WDR72: variants seen among roughly 807,000 people sequenced by gnomAD.
WDR72 encodes the protein WD repeat domain 72, also known as WD repeat-containing protein 72.
Under a neutral mutation model 124.2 loss-of-function variants are expected in WDR72, and 120 were observed. That is an observed-to-expected ratio of 0.97 (90% confidence interval 0.83 to 1.12). The LOEUF is 1.12. Among genes scored for constraint, WDR72 ranks in the 50% most tolerant of loss-of-function variants. The probability of loss-of-function intolerance (pLI) is 0.00; values close to 1 mark genes in which losing one functional copy is unlikely to be tolerated. For synonymous variants in WDR72, 452 were observed against 441.7 expected (o/e 1.02, Z -0.29); for missense variants, 1,387 against 1,278.8 (o/e 1.08, Z -1.29).
At chr15:53,625,079 T>A (rs556480385) in intron 14 of WDR72, among the ~76,000 whole-genome samples, 1 of 152,352 alleles carries the variant, frequency 6.6e-6, no homozygotes, top group Admixed American at 6.5e-5. Flanking sequence ...AATACAAATA[T>A]AATTATGTTA....
At chr15:53,637,762 A>C (rs1368836498) in intron 14 of WDR72, among the ~76,000 whole-genome samples, 1 of 152,026 alleles carries the variant, frequency 6.6e-6, no homozygotes, top group Non-Finnish European at 1.5e-5. Flanking sequence ...CCCCAGCCCC[A>C]TATTCTCTCT....
chr15:53,613,884 A>T, intron 15 of WDR72, 127 bp from the exon 16 acceptor site: 1 of 632,182 alleles, frequency 1.6e-6, no homozygotes, highest in Non-Finnish European at 2.8e-6. Context: ...TATTTTTAGC[A>T]ATATCTTTCA....
chr15:53,664,813 C>A (rs576105489), intron 14 of WDR72, among the ~76,000 whole-genome samples: 14 of 151,952 alleles, frequency 9.2e-5, no homozygotes, highest in African/African-American at 3.1e-4. Context: ...GATAGACACA[C>A]CACATAGAGC....
intron 10 of WDR72, 115 bp from the exon 11 acceptor site, chr15:53,705,348 A>G (rs2017320622): frequency 6.5e-6 from 6 of 923,208 alleles, no homozygotes; most frequent in Non-Finnish European, 1.0e-5. Flanking sequence ...AGCCTATCCC[A>G]GATTCATATT....
chr15:53,648,098 C>T (rs1052192202), intron 14 of WDR72, among the ~76,000 whole-genome samples: 3 of 152,076 alleles, frequency 2.0e-5, no homozygotes, highest in Admixed American at 6.6e-5. Flanking sequence ...TGAATAGACA[C>T]GTCATGATCC....
chr15:53,681,181 A>T (rs1015307277), intron 13 of WDR72, among the ~76,000 whole-genome samples: 5 of 152,202 alleles, frequency 3.3e-5, no homozygotes, highest in Non-Finnish European at 5.9e-5. Context: ...CTACTTTCCC[A>T]GAGAATAACA....
chr15:53,530,220 T>A (rs994719842), intron 18 of WDR72, among the ~76,000 whole-genome samples: 2 of 151,368 alleles, frequency 1.3e-5, no homozygotes, highest in African/African-American at 4.8e-5. Context: ...TTTGTATATT[T>A]ATCTACAATT....
chr15:53,601,158 C>A (rs972027067), intron 17 of WDR72, among the ~76,000 whole-genome samples: 10 of 152,066 alleles, frequency 6.6e-5, no homozygotes, highest in Non-Finnish European at 1.0e-4. Context: ...AACAGTGGGC[C>A]TCTTAGTGGA....
chr15:53,720,213 A>C (rs2017837863), intron 3 of WDR72, among the ~76,000 whole-genome samples: 1 of 152,172 alleles, frequency 6.6e-6, no homozygotes, highest in Non-Finnish European at 1.5e-5. Flanking sequence ...CTACTAAACA[A>C]TACTTGAAAC....
chr15:53,635,090 G>A (rs1595809388), intron 14 of WDR72, among the ~76,000 whole-genome samples: 1 of 152,164 alleles, frequency 6.6e-6, no homozygotes, highest in African/African-American at 2.4e-5. Flanking sequence ...AGAGGGTGAC[G>A]ATCTTTCAGA....
At chr15:53,569,652 A>C (rs767923042) in intron 18 of WDR72, among the ~76,000 whole-genome samples, 2 of 152,082 alleles carry the variant, frequency 1.3e-5, no homozygotes, top group Non-Finnish European at 2.9e-5. Context: ...ACCAGAAGAT[A>C]TGAAGCACCT....
At chr15:53,626,975 A>C (rs2014236905) in intron 14 of WDR72, among the ~76,000 whole-genome samples, 1 of 152,222 alleles carries the variant, frequency 6.6e-6, no homozygotes, top group Non-Finnish European at 1.5e-5. Flanking sequence ...CAAAGTTAGG[A>C]AATATAGGCA....
At chr15:53,755,346 A>T (rs910013932) in intron 1 of WDR72, among the ~76,000 whole-genome samples, 1 of 152,248 alleles carries the variant, frequency 6.6e-6, no homozygotes, top group Non-Finnish European at 1.5e-5. Context: ...TAGGCATCAC[A>T]TTCATTATTT....
intron 7 of WDR72, among the ~76,000 whole-genome samples, chr15:53,712,555 G>A (rs964274982): frequency 2.6e-5 from 4 of 151,352 alleles, no homozygotes; most frequent in African/African-American, 9.7e-5. Context: ...AGATCGTGCC[G>A]CTGCACTCCA....
chr15:53,621,627 T>C (rs780876132), intron 14 of WDR72, among the ~76,000 whole-genome samples: 1 of 151,724 alleles, frequency 6.6e-6, no homozygotes, highest in Non-Finnish European at 1.5e-5. Flanking sequence ...CAATAAACTT[T>C]GGGGACACAG....
chr15:53,752,767 C>T (rs990988374), intron 1 of WDR72, among the ~76,000 whole-genome samples: 2 of 152,140 alleles, frequency 1.3e-5, no homozygotes, highest in African/African-American at 4.8e-5. Flanking sequence ...ATTCCTGAAA[C>T]ATATATTTAA....
intron 1 of WDR72, among the ~76,000 whole-genome samples, chr15:53,746,148 G>A (rs968371989): frequency 1.3e-5 from 2 of 152,090 alleles, no homozygotes; most frequent in Non-Finnish European, 2.9e-5. Flanking sequence ...AACAAGGAAG[G>A]ACAACACGCC....
At chr15:53,731,721 G>GT (rs2018208567) in intron 2 of WDR72, among the ~76,000 whole-genome samples, 1 of 151,858 alleles carries the variant, frequency 6.6e-6, no homozygotes, top group Non-Finnish European at 1.5e-5. Flanking sequence ...ACAGTAGCCA[G>GT]TTTTTTTCTG....
chr15:53,685,578 T>C (rs1255659696), intron 13 of WDR72, among the ~76,000 whole-genome samples: 383 of 144,202 alleles, frequency 2.7e-3, no homozygotes, highest in East Asian at 6.6e-3. Context: ...ACCAAATCTA[T>C]GTCTGATTGG....
Sources: gnomAD v4.1 joint callset for allele counts (sites outside exome capture counted in the v4.1 genomes callset) on GRCh38, gnomAD v4.1.1 for gene constraint, MANE v1.5 for transcripts, NCBI Gene and HGNC (gene_info 2026-07-23, HGNC 2026-07-21) for gene names.